Variants in GRIN2B observed in about 807,000 individuals in gnomAD.
GRIN2B encodes glutamate ionotropic receptor NMDA type subunit 2B, also known as glutamate receptor ionotropic, NMDA 2B.
GRIN2B carries 5 observed loss-of-function variants against 114.5 expected under a neutral mutation model. The observed-to-expected ratio is 0.04, with a 90% CI of 0.02 to 0.09. The LOEUF is 0.09. GRIN2B is among the 10% of genes least tolerant of loss of function. The pLI, the probability that GRIN2B is intolerant of heterozygous loss-of-function variation, is 1.00. For synonymous variants in GRIN2B, 787 were observed against 745.1 expected (o/e 1.06, Z -0.92); for missense variants, 1,108 against 1,943.5 (o/e 0.57, Z 8.08).
chr12:13,609,099 C>T (rs900900171), intron 9 of GRIN2B, among the ~76,000 whole-genome samples: 1 of 152,138 alleles, frequency 6.6e-6, no homozygotes, highest in South Asian at 2.1e-4. Flanking sequence ...TCATGACTCC[C>T]CTCTGGAGGA....
chr12:13,878,116 GC>G (rs1412575415), intron 2 of GRIN2B, among the ~76,000 whole-genome samples: 1 of 148,580 alleles, frequency 6.7e-6, no homozygotes, highest in African/African-American at 2.5e-5. Context: ...TCTGCGCTAA[GC>G]CCTGGGAAGC....
At chr12:13,977,793 T>C in intron 2 of GRIN2B, among the ~76,000 whole-genome samples, 1 of 152,106 alleles carries the variant, frequency 6.6e-6, no homozygotes, top group Non-Finnish European at 1.5e-5. Context: ...CAAAATGGCT[T>C]TGCATGGTGA....
chr12:13,875,400 G>A (rs753238288), intron 2 of GRIN2B, among the ~76,000 whole-genome samples: 6 of 152,022 alleles, frequency 3.9e-5, no homozygotes, highest in East Asian at 3.9e-4. Flanking sequence ...GGTGGCGAGC[G>A]CCTGTAGTCC....
chr12:13,752,240 T>C (rs2136627627), intron 4 of GRIN2B, among the ~76,000 whole-genome samples: 1 of 152,368 alleles, frequency 6.6e-6, no homozygotes, highest in East Asian at 1.9e-4. Context: ...TAAGTTTTTC[T>C]GAATACCTTT....
At chr12:13,834,020 C>CTT (rs71067731) in intron 3 of GRIN2B, among the ~76,000 whole-genome samples, 841 of 72,598 alleles carry the variant, frequency 0.012, 109 homozygotes, top group Middle Eastern at 0.024. Flanking sequence ...TTGCTAACTT[C>CTT]TTTTTTTTTT....
intron 10 of GRIN2B, among the ~76,000 whole-genome samples, chr12:13,588,316 A>G (rs1948959587): frequency 6.6e-6 from 1 of 152,224 alleles, no homozygotes; most frequent in Non-Finnish European, 1.5e-5. Context: ...GGCAGGTGAG[A>G]TACTTAGTGA....
intron 2 of GRIN2B, among the ~76,000 whole-genome samples, chr12:13,938,390 C>A (rs1007207334): frequency 6.6e-6 from 1 of 152,178 alleles, no homozygotes; most frequent in Non-Finnish European, 1.5e-5. Flanking sequence ...CTGTACCCTG[C>A]AACTACATGA....
chr12:13,943,092 C>A (rs990062367), intron 2 of GRIN2B, among the ~76,000 whole-genome samples: 6 of 152,064 alleles, frequency 3.9e-5, no homozygotes, highest in Non-Finnish European at 8.8e-5. Context: ...CTTAGAGCAG[C>A]CACTGCTCCC....
intron 3 of GRIN2B, among the ~76,000 whole-genome samples, chr12:13,810,319 G>A (rs1433419766): frequency 2.6e-5 from 4 of 151,618 alleles, no homozygotes; most frequent in Non-Finnish European, 4.4e-5. Flanking sequence ...AGGTTCAAGC[G>A]ATTCTCATGC....
chr12:13,883,141 G>C (rs796854512), intron 2 of GRIN2B, among the ~76,000 whole-genome samples: 6 of 152,228 alleles, frequency 3.9e-5, no homozygotes, highest in African/African-American at 1.4e-4. Flanking sequence ...ATCACAATAT[G>C]TTTATTGATT....
chr12:13,556,373 A>C lies in GRIN2B; in HGVS notation c.*6410T>G, dbSNP rs1948479395. ...TTATACTTATGCTTTCATATATTCTACGTGAGTACAATATACTCCATTTTG... is the reference window on the plus strand; with the variant it reads ...TTATACTTATGCTTTCATATATTCTCCGTGAGTACAATATACTCCATTTTG... On this transcript the variant is annotated 3_prime_UTR_variant, in exon 14 of 14. Coordinates refer to ENST00000609686, the MANE Select transcript of GRIN2B (RefSeq NM_000834.5). 6.6e-6 allele frequency: 1 copy of C among 152,218 alleles called. No individual in the cohort carries two copies. Among genetic ancestry groups the C allele is most frequent in the South Asian group, 2.1e-4 (1 of 4,834 alleles). 9.4% of individuals were successfully genotyped at this position (152,218 alleles called of 1,614,324 possible).
At chr12:13,774,581 G>A (rs1189189268) in intron 3 of GRIN2B, among the ~76,000 whole-genome samples, 1 of 152,222 alleles carries the variant, frequency 6.6e-6, no homozygotes, top group Non-Finnish European at 1.5e-5. Context: ...GCAAAATCAA[G>A]TGTACAAAGC....
At chr12:13,565,230 GAACAAAATTC>G (rs1425871537) in intron 13 of GRIN2B, among the ~76,000 whole-genome samples, 1 of 152,160 alleles carries the variant, frequency 6.6e-6, no homozygotes, top group Admixed American at 6.5e-5. Context: ...AGCCAAGCAT[GAACAAAATTC>G]ACAGAAAGAG....
chr12:13,779,527 C>A (rs1864068595), intron 3 of GRIN2B, among the ~76,000 whole-genome samples: 1 of 152,118 alleles, frequency 6.6e-6, no homozygotes, highest in Non-Finnish European at 1.5e-5. Context: ...AATAGGCAAA[C>A]ACATTTTAAT....
rs112177259 is a variant in GRIN2B at position 13,891,532 on chromosome 12, C to T, written c.-18-25306G>A. ...CAATTTGGAATTTTATTCTTAACCTCATGGTTAAGACTGTCAGCAGTCTGC... is the reference window on the plus strand; with the variant it reads ...CAATTTGGAATTTTATTCTTAACCTTATGGTTAAGACTGTCAGCAGTCTGC... On this transcript the variant is annotated intron_variant, in intron 2 of 13. Coordinates refer to ENST00000609686, the MANE Select transcript of GRIN2B (RefSeq NM_000834.5). 7.6e-3 allele frequency among the ~76,000 whole-genome samples: 1,153 copies of T among 152,252 alleles called. 14 individuals are homozygous for T. Among genetic ancestry groups the T allele is most frequent in the African/African-American group, 0.026 (1,080 of 41,542 alleles).
chr12:13,957,040 T>A (rs1867604405), intron 2 of GRIN2B, among the ~76,000 whole-genome samples: 1 of 152,176 alleles, frequency 6.6e-6, no homozygotes, highest in Non-Finnish European at 1.5e-5. Flanking sequence ...AAAAAATAAA[T>A]TAGATTAAAA....
chr12:13,795,734 A>G (rs1203057226), intron 3 of GRIN2B, among the ~76,000 whole-genome samples: 1 of 152,212 alleles, frequency 6.6e-6, no homozygotes, highest in Non-Finnish European at 1.5e-5. Flanking sequence ...CATATACACC[A>G]TGGAATACTA....
chr12:13,789,087 A>G (rs760123832), intron 3 of GRIN2B, among the ~76,000 whole-genome samples: 20 of 151,494 alleles, frequency 1.3e-4, no homozygotes, highest in Non-Finnish European at 1.9e-4. Flanking sequence ...TTTTTTTCCT[A>G]TACACACTTA....
At chr12:13,574,479 TC>T (rs1948748178) in intron 10 of GRIN2B, among the ~76,000 whole-genome samples, 1 of 152,184 alleles carries the variant, frequency 6.6e-6, no homozygotes, top group African/African-American at 2.4e-5. Flanking sequence ...TTCTGAAACA[TC>T]AGTGAAAATT....
Sources: gnomAD v4.1 joint callset for allele counts (sites outside exome capture counted in the v4.1 genomes callset) on GRCh38, gnomAD v4.1.1 for gene constraint, MANE v1.5 for transcripts, NCBI Gene and HGNC (gene_info 2026-07-23, HGNC 2026-07-21) for gene names.